CYP4V2: variants seen among roughly 807,000 people sequenced by gnomAD.
CYP4V2 encodes cytochrome P450 4V2.
In CYP4V2, 55 loss-of-function variants were observed where a neutral mutation model predicts 60.8. The observed-to-expected ratio is 0.90, with a 90% CI of 0.73 to 1.13. CYP4V2 has a LOEUF of 1.13. Ranked by LOEUF, CYP4V2 falls within the 50% of genes most tolerant of loss-of-function variation. The pLI is 0.00. For synonymous variants in CYP4V2, 239 were observed against 236.8 expected (o/e 1.01, Z -0.08); for missense variants, 675 against 662.9 (o/e 1.02, Z -0.20).
At position 186,212,822 on chromosome 4, in the gene CYP4V2, C is replaced by G. The variant is rs889195476; in HGVS notation, c.*2181C>G. ...CAGGGGCGGTCTCAGCCAAATTGCA[C>G]CCATTTAACTATCCCAAAGAGCCAC... On this transcript the variant is annotated 3_prime_UTR_variant, in exon 11 of 11. Transcript: ENST00000378802. 6.6e-6 allele frequency: 1 copy of G among 152,180 alleles called. No individual in the cohort carries two copies. Among genetic ancestry groups the G allele is most frequent in the Non-Finnish European group, 1.5e-5 (1 of 68,040 alleles). The allele number at this position is 152,180 out of a possible 1,614,324, so 9.4% of individuals were successfully genotyped here. A position where few individuals can be genotyped will look rare whatever the true frequency, so the allele number is the denominator to read the frequency against.
At chr4:186,192,404 A>C in intron 1 of CYP4V2, 1 of 432,532 alleles carries the variant, frequency 2.3e-6, no homozygotes, top group Non-Finnish European at 4.4e-6. Context: ...TAAACTGGCC[A>C]ACACCTTAAC....
At chr4:186,205,330 T>C in intron 8 of CYP4V2, 28 bp downstream of exon 8, 1 of 1,592,972 alleles carries the variant, frequency 6.3e-7, no homozygotes, top group Non-Finnish European at 8.6e-7. Flanking sequence ...ACTGGTTATA[T>C]TGTGGTACTA....
intron 8 of CYP4V2, 79 bp from the exon 9 acceptor site, chr4:186,208,786 T>C (rs1736608384): frequency 6.3e-7 from 1 of 1,596,234 alleles, no homozygotes; most frequent in Non-Finnish European, 8.6e-7. Context: ...CATGCCTTGA[T>C]CCACCTGTTC....
chr4:186,196,817 G>T (rs1178768296), intron 3 of CYP4V2, 123 bp from the exon 4 acceptor site: 6 of 895,594 alleles, frequency 6.7e-6, no homozygotes, highest in Non-Finnish European at 8.6e-6. Context: ...TGTAGATGAA[G>T]CTGTTTCAGG....
At chr4:186,204,988 C>A in intron 7 of CYP4V2, 1 of 619,824 alleles carries the variant, frequency 1.6e-6, no homozygotes, top group Non-Finnish European at 2.9e-6. Context: ...CACCGTGCGG[C>A]GTGGAACTGC....
chr4:186,210,617 G>A lies in CYP4V2; in HGVS notation c.1554G>A (p.Lys518=). The part of the protein sequence containing the change: ...RPSNGIWIKL[K]RRNADER Reference sequence around the variant, plus strand: ...GTAATGGCATCTGGATCAAGTTGAAGAGGAGAAATGCAGATGAACGCTAAC... The same window carrying A: ...GTAATGGCATCTGGATCAAGTTGAAAAGGAGAAATGCAGATGAACGCTAAC... The change falls in exon 11 of 11, where the codon AAG becomes AAA. Residue 518 remains lysine, a synonymous_variant. Coordinates refer to ENST00000378802, the MANE Select transcript of CYP4V2 (RefSeq NM_207352.4). The A allele has an allele frequency of 2.5e-6, 4 of 1,614,104 alleles. No homozygotes were observed. The highest frequency in any genetic ancestry group is 1.1e-5 in the South Asian group (1 of 91,084).
chr4:186,207,174 C>G (rs772887941), intron 8 of CYP4V2, among the ~76,000 whole-genome samples: 1 of 151,870 alleles, frequency 6.6e-6, no homozygotes, highest in African/African-American at 2.4e-5. Flanking sequence ...TTTGGGAGGC[C>G]GAGGTGGGCG....
At chr4:186,199,637 G>A (rs1736252701) in intron 6 of CYP4V2, among the ~76,000 whole-genome samples, 2 of 152,188 alleles carry the variant, frequency 1.3e-5, no homozygotes, top group African/African-American at 2.4e-5. Context: ...GGATTCGGCA[G>A]TCATTTTCAA....
chr4:186,191,882 G>A lies in CYP4V2; in HGVS notation c.59G>A (p.Ser20Asn), dbSNP rs752069631. Reference protein sequence around the residue: ...WQKLLLWGAASALSLAGASLV... With the variant: ...WQKLLLWGAANALSLAGASLV... ...AAGCTGCTGCTGTGGGGCGCGGCGA[G>A]TGCCCTTTCCCTGGCCGGCGCCAGT... is the stretch of plus-strand genomic sequence containing the variant. Residue 20 changes from serine (S) to asparagine (N), a missense_variant, in exon 1 of 11, where the codon AGT becomes AAT. Coordinates refer to ENST00000378802, the MANE Select transcript of CYP4V2 (RefSeq NM_207352.4). 6.3e-6 allele frequency: 10 copies of A among 1,589,764 alleles called. No individual in the cohort carries two copies. Among genetic ancestry groups the A allele is most frequent in the Middle Eastern group, 1.7e-4 (1 of 5,802 alleles).
In CYP4V2 at chr4:186,195,350, G is replaced by C. The variant is rs142337520; in HGVS notation, c.328-653G>C. On this transcript the variant is annotated intron_variant, in intron 2 of 10. Coordinates refer to ENST00000378802, the MANE Select transcript of CYP4V2 (RefSeq NM_207352.4). This position sits in a 1 kb window ranked among gnomAD's most constrained non-coding sequence, Gnocchi z 4.1. ...AAGGGCAGACAGGATTTCTGCCGCT[G>C]TTGGCCTAGTGTTAATAGAAGTTGG... Among the ~76,000 whole-genome samples the C allele has an allele frequency of 1.1e-3, 166 of 152,346 alleles. No individual in the cohort carries two copies. Among genetic ancestry groups the C allele is most frequent in the African/African-American group, 3.9e-3 (161 of 41,574 alleles).
intron 6 of CYP4V2, among the ~76,000 whole-genome samples, chr4:186,200,236 A>T (rs1736267762): frequency 6.6e-6 from 1 of 152,164 alleles, no homozygotes; most frequent in Non-Finnish European, 1.5e-5. Context: ...TTGCCCTCAA[A>T]TTGCTTAGAA....
At position 186,191,902 on chromosome 4, in the gene CYP4V2, G is replaced by A. The variant is rs1245358016; in HGVS notation, c.79G>A (p.Ala27Thr). Residue 27 changes from alanine to threonine, a missense_variant, in exon 1 of 11, where the codon GCC (alanine) becomes ACC (threonine). Physicochemically the swap from Ala to Thr is moderately conservative, Grantham distance 58. Coordinates refer to ENST00000378802, the MANE Select transcript of CYP4V2 (RefSeq NM_207352.4). The stretch of plus-strand genomic sequence containing the variant: ...GGCGAGTGCCCTTTCCCTGGCCGGC[G>A]CCAGTCTGGTCCTGAGCCTGCTGCA... Reference protein sequence around the residue: ...GAASALSLAGASLVLSLLQRV... With the variant: ...GAASALSLAGTSLVLSLLQRV... 5.0e-6 allele frequency: 8 copies of A among 1,591,756 alleles called. No homozygotes were observed. The highest frequency in any genetic ancestry group is 3.4e-5 in the Admixed American group (2 of 58,086).
chr4:186,200,604 G>T (rs1274790381), intron 6 of CYP4V2, among the ~76,000 whole-genome samples: 1 of 152,184 alleles, frequency 6.6e-6, no homozygotes, highest in African/African-American at 2.4e-5. Flanking sequence ...AGGGACAGGG[G>T]TAGCAGGGAT....
In CYP4V2 at chr4:186,195,987, T is replaced by G; in HGVS notation, c.328-16T>G. 6.3e-7 allele frequency: 1 copy of G among 1,579,736 alleles called. No homozygotes were observed. Among genetic ancestry groups the G allele is most frequent in the Non-Finnish European group, 8.7e-7 (1 of 1,149,252 alleles). On this transcript the variant is annotated splice_polypyrimidine_tract_variant and intron_variant, in intron 2 of 10. Coordinates refer to ENST00000378802, the MANE Select transcript of CYP4V2 (RefSeq NM_207352.4). The surrounding 1 kb of genome is among the most constrained non-coding windows in gnomAD (Gnocchi z 4.1). ...GATGTCTGTATGTCTCTAAAGTATGTTTTTCTCTTCCTAAGGTAATTTTAA... is the reference window on the plus strand; with the variant it reads ...GATGTCTGTATGTCTCTAAAGTATGGTTTTCTCTTCCTAAGGTAATTTTAA...
At chr4:186,196,878 T>G (rs1286628473) in intron 3 of CYP4V2, 62 bp from the exon 4 acceptor site, 15 of 1,516,448 alleles carry the variant, frequency 9.9e-6, no homozygotes, top group Non-Finnish European at 1.2e-5. Flanking sequence ...TGGATGTTAC[T>G]TTTCTCTTTC....
At position 186,204,971 on chromosome 4, in the gene CYP4V2, C is replaced by T. The variant is rs1164761341; in HGVS notation, c.988-229C>T. On this transcript the variant is annotated intron_variant, in intron 7 of 10. Coordinates refer to ENST00000378802, the MANE Select transcript of CYP4V2 (RefSeq NM_207352.4). Reference sequence around the variant, plus strand: ...ACACAGCACAGGCACGTCCCACCAGCGTGCAACACCGTGCGGCGTGGAACT... The same window carrying T: ...ACACAGCACAGGCACGTCCCACCAGTGTGCAACACCGTGCGGCGTGGAACT... The T allele has an allele frequency of 3.5e-5, 20 of 579,056 alleles. 1 individual carries two copies. Among genetic ancestry groups the T allele is most frequent in the South Asian group, 1.3e-4 (7 of 52,012 alleles). The allele number at this position is 579,056 out of a possible 1,614,324, so 35.9% of individuals were successfully genotyped here.
At chr4:186,198,145 T>C (rs1444084648) in intron 5 of CYP4V2, among the ~76,000 whole-genome samples, 1 of 152,208 alleles carries the variant, frequency 6.6e-6, no homozygotes, top group Non-Finnish European at 1.5e-5. Context: ...AAGGACTTGA[T>C]GAAGTACAGA....
rs545545148 is a variant in CYP4V2 at position 186,208,783 on chromosome 4, T to G, written c.1091-82T>G. 1.7e-5 allele frequency: 27 copies of G among 1,593,512 alleles called. No individual in the cohort carries two copies. In the South Asian group the frequency reaches 2.7e-4, roughly 16 times the overall value. ...GATGGGTATTTAGCATGCCATGCCT[T>G]GATCCACCTGTTCTTTTTAGATGTC... On this transcript the variant is annotated intron_variant, in intron 8 of 10. Transcript: ENST00000378802.
intron 5 of CYP4V2, 65 bp from the exon 6 acceptor site, chr4:186,198,892 A>G: frequency 3.7e-6 from 6 of 1,611,308 alleles, no homozygotes; most frequent in Non-Finnish European, 5.1e-6. Context: ...GCCAGGTACT[A>G]AAGAAGTGCT....
Sources: gnomAD v4.1 joint callset for allele counts (sites outside exome capture counted in the v4.1 genomes callset) on GRCh38, gnomAD v4.1.1 for gene constraint, Gnocchi (gnomAD v3.1) non-coding constraint, MANE v1.5 for transcripts, NCBI Gene and HGNC (gene_info 2026-07-23, HGNC 2026-07-21) for gene names.